SPEF2: variants seen among roughly 807,000 people sequenced by gnomAD.
The protein encoded by SPEF2 is sperm flagellar and cilia associated 2, also known as sperm flagella and cilia-associated protein 2.
SPEF2 carries 187 observed loss-of-function variants against 224.6 expected under a neutral mutation model. That is an observed-to-expected ratio of 0.83 (90% CI 0.74 to 0.94). The LOEUF (loss-of-function observed/expected upper bound fraction) is 0.94, where lower values mean the gene tolerates loss of function less well. Among genes scored for constraint, SPEF2 ranks in the 40% least tolerant of loss-of-function variants. SPEF2 has a pLI of 0.00. For synonymous variants in SPEF2, 715 were observed against 707.3 expected, an observed-to-expected ratio of 1.01 and a Z score of -0.17; for missense variants, 2,170 against 2,135.6, an observed-to-expected ratio of 1.02 and a Z score of -0.32.
intron 2 of SPEF2, among the ~76,000 whole-genome samples, chr5:35,639,219 C>A (rs1746258285): frequency 6.6e-6 from 1 of 152,114 alleles, no homozygotes; most frequent in South Asian, 2.1e-4. Context: ...CTACAAAGGA[C>A]TAACTTTCTC....
At chr5:35,813,142 A>G (rs1359865153) in intron 36 of SPEF2, among the ~76,000 whole-genome samples, 1 of 152,212 alleles carries the variant, frequency 6.6e-6, no homozygotes, top group East Asian at 1.9e-4. Context: ...AACTTTTGAT[A>G]ATATTAAAAT....
At chr5:35,739,691 A>G (rs1414184406) in intron 21 of SPEF2, among the ~76,000 whole-genome samples, 2 of 152,080 alleles carry the variant, frequency 1.3e-5, no homozygotes, top group East Asian at 1.9e-4. Context: ...CCCGCCCCCA[A>G]TTTCTGGAAT....
chr5:35,764,979 A>G (rs1751896760), intron 26 of SPEF2, among the ~76,000 whole-genome samples: 1 of 152,194 alleles, frequency 6.6e-6, no homozygotes. Flanking sequence ...CCTAAAGTAA[A>G]TACTCATGGC....
chr5:35,624,427 C>T (rs961486305), intron 1 of SPEF2, among the ~76,000 whole-genome samples: 15 of 152,162 alleles, frequency 9.9e-5, no homozygotes, highest in African/African-American at 3.6e-4. Flanking sequence ...TTTCCCCCTA[C>T]AAAATTTCAA....
At chr5:35,759,005 CAAAA>C (rs57893412) in intron 24 of SPEF2, among the ~76,000 whole-genome samples, 1 of 51,354 alleles carries the variant, frequency 1.9e-5, no homozygotes, top group African/African-American at 8.8e-5. Flanking sequence ...GACTCTGTCT[CAAAA>C]AAAAAAAAAA....
chr5:35,773,184 CCTAAGCAACATGA>C (rs372533239), intron 27 of SPEF2, among the ~76,000 whole-genome samples: 1,564 of 152,132 alleles, frequency 0.01, 31 homozygotes, highest in African/African-American at 0.035. Context: ...TCGAGACCAG[CCTAAGCAACATGA>C]CAAAACTCTG....
chr5:35,813,981 G>A (rs2149882829), intron 36 of SPEF2, among the ~76,000 whole-genome samples: 1 of 152,258 alleles, frequency 6.6e-6, no homozygotes, highest in South Asian at 2.1e-4. Context: ...TGTAAAACAG[G>A]TCATTCTTTC....
chr5:35,647,578 G>T (rs1561128415), intron 5 of SPEF2, among the ~76,000 whole-genome samples: 2 of 152,036 alleles, frequency 1.3e-5, no homozygotes, highest in African/African-American at 2.4e-5. Context: ...CCATGACCCG[G>T]ACACCTCCCG....
chr5:35,805,900 A>G (rs1433021122), intron 34 of SPEF2, among the ~76,000 whole-genome samples: 2 of 152,100 alleles, frequency 1.3e-5, no homozygotes, highest in Non-Finnish European at 2.9e-5. Context: ...TTTCATGGCA[A>G]TGTAATACTA....
intron 10 of SPEF2, among the ~76,000 whole-genome samples, chr5:35,687,441 C>T (rs1753791284): frequency 2.0e-5 from 3 of 151,180 alleles, no homozygotes; most frequent in Non-Finnish European, 4.4e-5. Flanking sequence ...TTTTTTTGCC[C>T]ATTATATTTC....
chr5:35,641,431 G>A lies in SPEF2; in HGVS notation c.162G>A (p.Arg54=). 2 of 1,611,266 alleles carry A rather than the reference G, an allele frequency of 1.2e-6. No individual in the cohort carries two copies. Among genetic ancestry groups the A allele is most frequent in the Non-Finnish European group, 1.7e-6 (2 of 1,178,762 alleles). ...TTATGTAAAATATTTTACTGTCCAG[G>A]GTTTCAAGTGCCAAACTTAATAATT... ...QDDFSEFLDS[R]VSSAKLNNFS... The change falls in exon 3 of 37, where the codon AGG becomes AGA. Residue 54 remains arginine (R), a splice_region_variant and synonymous_variant. Transcript: ENST00000356031.
chr5:35,757,835 T>C (rs1392374853), intron 24 of SPEF2, among the ~76,000 whole-genome samples: 1 of 152,216 alleles, frequency 6.6e-6, no homozygotes, highest in Admixed American at 6.5e-5. Context: ...CTATTAAAAA[T>C]GTTCTATAAT....
chr5:35,712,787 T>A lies in SPEF2; in HGVS notation c.2840-25T>A. 3 of 1,610,876 alleles carry A rather than the reference T, an allele frequency of 1.9e-6. No homozygotes were observed. In the East Asian group the frequency reaches 6.7e-5, roughly 36 times the overall value. On this transcript the variant is annotated intron_variant, in intron 19 of 36. Coordinates refer to ENST00000356031, the MANE Select transcript of SPEF2 (RefSeq NM_024867.4). The stretch of plus-strand genomic sequence containing the variant: ...GGCTATTGAAGTAAATCATCAATGA[T>A]TTTTGTGTGTCGAATTTTGTTTAGA...
At chr5:35,790,065 T>C (rs1430434667) in intron 30 of SPEF2, 2 of 702,618 alleles carry the variant, frequency 2.8e-6, no homozygotes, top group Admixed American at 4.0e-5. Flanking sequence ...TTTTGTGAAT[T>C]CCATTTACTT....
chr5:35,685,552 A>G (rs1473069178), intron 10 of SPEF2, among the ~76,000 whole-genome samples: 3 of 152,158 alleles, frequency 2.0e-5, no homozygotes, highest in Non-Finnish European at 4.4e-5. Flanking sequence ...AGTTATTTAA[A>G]TAAATAACTC....
chr5:35,775,964 G>A (rs1753563405), intron 28 of SPEF2, among the ~76,000 whole-genome samples: 1 of 152,124 alleles, frequency 6.6e-6, no homozygotes, highest in Non-Finnish European at 1.5e-5. Context: ...TCAAAATTCA[G>A]AAATTACCTA....
intron 30 of SPEF2, chr5:35,788,448 T>G (rs766095208): frequency 5.7e-6 from 4 of 702,742 alleles, no homozygotes; most frequent in Non-Finnish European, 1.0e-5. Flanking sequence ...AGTAAATTTT[T>G]CTCTGTCATC....
chr5:35,625,156 T>A (rs1744061673), intron 1 of SPEF2, among the ~76,000 whole-genome samples: 1 of 152,234 alleles, frequency 6.6e-6, no homozygotes, highest in East Asian at 1.9e-4. Context: ...AAGTGTCTTA[T>A]GCATAAAAAG....
In SPEF2 at chr5:35,704,868, A is replaced by C. The variant is rs537029210; in HGVS notation, c.2507+206A>C. ...AGAGGGCAAGTCATTAGTCTGAAAA[A>C]AAGAAGAATTAAATCAGGCAATACT... On this transcript the variant is annotated intron_variant, in intron 17 of 36. Coordinates refer to ENST00000356031, the MANE Select transcript of SPEF2 (RefSeq NM_024867.4). 2.0e-5 allele frequency among the ~76,000 whole-genome samples: 3 copies of C among 152,226 alleles called. No individual in the cohort carries two copies. In the South Asian group the frequency reaches 6.2e-4, roughly 32 times the overall value.
Sources: allele counts gnomAD v4.1 joint callset (sites outside exome capture counted in the v4.1 genomes callset), GRCh38; gene constraint gnomAD v4.1.1; transcripts MANE v1.5; gene names NCBI Gene and HGNC (gene_info 2026-07-23, HGNC 2026-07-21).